The following CCSER1 variants were observed in gnomAD, a reference collection of about 807,000 sequenced individuals.
The protein encoded by CCSER1 is serine-rich coiled-coil domain-containing protein 1.
In CCSER1, 41 loss-of-function variants were observed where a neutral mutation model predicts 82.0. That is an observed-to-expected ratio of 0.50 (90% CI 0.39 to 0.65). CCSER1 has a LOEUF of 0.65. CCSER1 is among the 30% of genes least tolerant of loss of function. The pLI is 0.00. For synonymous variants in CCSER1, 414 were observed against 383.9 expected (o/e 1.08, Z -0.92); for missense variants, 1,119 against 1,064.2 (o/e 1.05, Z -0.72).
In CCSER1 at chr4:90,170,080, C is replaced by T. The variant is rs374593765; in HGVS notation, c.-42+42249C>T. Among the ~76,000 whole-genome samples, 37 of 152,024 alleles carry T rather than the reference C, an allele frequency of 2.4e-4. 1 individual carries two copies. Among genetic ancestry groups the T allele is most frequent in the African/African-American group, 8.4e-4 (35 of 41,522 alleles). The stretch of plus-strand genomic sequence containing the variant: ...CATTTATTGGTTTCTCTAAAAGTTT[C>T]CAAATGTTCTTAAAGTCCCAGCATC... On this transcript the variant is annotated intron_variant, in intron 1 of 10. Transcript: ENST00000509176.
intron 10 of CCSER1, among the ~76,000 whole-genome samples, chr4:91,594,499 C>A (rs1027841382): frequency 1.3e-5 from 2 of 149,172 alleles, no homozygotes; most frequent in South Asian, 2.1e-4. Context: ...ATACCCAAAT[C>A]AGATCTATCT....
intron 6 of CCSER1, among the ~76,000 whole-genome samples, chr4:90,647,640 A>G (rs555750901): frequency 1.7e-4 from 26 of 152,340 alleles, no homozygotes; most frequent in African/African-American, 6.0e-4. Context: ...GACAATTAAA[A>G]AAATAGTAGT....
intron 10 of CCSER1, among the ~76,000 whole-genome samples, chr4:91,546,387 G>A (rs554502280): frequency 6.6e-6 from 1 of 152,054 alleles, no homozygotes; most frequent in African/African-American, 2.4e-5. Context: ...GTTAACCCAT[G>A]TCTTTTTTTG....
chr4:90,196,951 A>G (rs1299176844), intron 1 of CCSER1, among the ~76,000 whole-genome samples: 1 of 151,980 alleles, frequency 6.6e-6, no homozygotes, highest in Non-Finnish European at 1.5e-5. Flanking sequence ...CTGTGACACT[A>G]TGTACCTTGA....
At chr4:91,438,858 A>G (rs1298265330) in intron 10 of CCSER1, among the ~76,000 whole-genome samples, 1 of 152,234 alleles carries the variant, frequency 6.6e-6, no homozygotes, top group African/African-American at 2.4e-5. Flanking sequence ...AGCCAATGCG[A>G]TCAACTGGAA....
chr4:91,398,191 T>C (rs141332187), intron 10 of CCSER1, among the ~76,000 whole-genome samples: 135 of 152,056 alleles, frequency 8.9e-4, no homozygotes, highest in African/African-American at 3.1e-3. Flanking sequence ...ACATTCAATA[T>C]AAGCTGGCTG....
chr4:91,461,439 G>A (rs186102522), intron 10 of CCSER1, among the ~76,000 whole-genome samples: 1 of 152,086 alleles, frequency 6.6e-6, no homozygotes, highest in Non-Finnish European at 1.5e-5. Context: ...TTGCACACAT[G>A]TAGTTTAGTC....
At chr4:90,607,049 C>T (rs1408132070) in intron 5 of CCSER1, among the ~76,000 whole-genome samples, 5 of 152,106 alleles carry the variant, frequency 3.3e-5, no homozygotes, top group African/African-American at 1.2e-4. Flanking sequence ...GAGGAGAACA[C>T]AGTAAGATTA....
rs528727937 is a variant in CCSER1 at position 90,265,225 on chromosome 4, C to G, written c.-41-43019C>G. On this transcript the variant is annotated intron_variant, in intron 1 of 10. Coordinates refer to ENST00000509176, the MANE Select transcript of CCSER1 (RefSeq NM_001145065.2). ...TCCTGAGGCAATATTTTTTATTTTA[C>G]TTTTTCTTTTGAATGGAATTCAGTA... Among the ~76,000 whole-genome samples, 6 of 151,656 alleles carry G rather than the reference C, an allele frequency of 4.0e-5. No individual in the cohort carries two copies. The East Asian group carries it at 9.7e-4, about 25-fold the overall frequency.
intron 5 of CCSER1, among the ~76,000 whole-genome samples, chr4:90,618,522 A>G (rs1451530172): frequency 2.6e-5 from 4 of 151,952 alleles, no homozygotes; most frequent in Admixed American, 6.6e-5. Flanking sequence ...TCTTAAAGCA[A>G]TAATATTAGG....
At chr4:91,504,248 G>T (rs184893262) in intron 10 of CCSER1, among the ~76,000 whole-genome samples, 1 of 151,130 alleles carries the variant, frequency 6.6e-6, no homozygotes, top group African/African-American at 2.5e-5. Context: ...AGAGTCAAAA[G>T]AATTGTTGTA....
chr4:90,475,934 G>A (rs1340620761), intron 5 of CCSER1, among the ~76,000 whole-genome samples: 1 of 152,094 alleles, frequency 6.6e-6, no homozygotes, highest in East Asian at 1.9e-4. Context: ...CTGTACCACT[G>A]AGGAAGTTTA....
chr4:91,409,894 C>G (rs1199467730), intron 10 of CCSER1, among the ~76,000 whole-genome samples: 1 of 152,148 alleles, frequency 6.6e-6, no homozygotes, highest in Non-Finnish European at 1.5e-5. Flanking sequence ...TTTGGCCAGG[C>G]TGGTCTCGAA....
intron 1 of CCSER1, among the ~76,000 whole-genome samples, chr4:90,243,653 G>A (rs752054593): frequency 7.9e-5 from 12 of 152,034 alleles, no homozygotes; most frequent in Non-Finnish European, 1.2e-4. Flanking sequence ...CTCCCAAAGC[G>A]CTGGGGTTAC....
At chr4:90,950,841 G>T (rs1437435877) in intron 9 of CCSER1, among the ~76,000 whole-genome samples, 1 of 151,976 alleles carries the variant, frequency 6.6e-6, no homozygotes, top group African/African-American at 2.4e-5. Flanking sequence ...CTATTCCCGT[G>T]CTCTCTTTTG....
chr4:90,857,426 C>T (rs554356983), intron 8 of CCSER1, among the ~76,000 whole-genome samples: 1 of 152,034 alleles, frequency 6.6e-6, no homozygotes, highest in Non-Finnish European at 1.5e-5. Context: ...GCACATGAGA[C>T]GAGTCCAGAG....
intron 10 of CCSER1, among the ~76,000 whole-genome samples, chr4:91,519,165 G>A (rs1030195245): frequency 6.6e-6 from 1 of 152,208 alleles, no homozygotes; most frequent in African/African-American, 2.4e-5. Flanking sequence ...GCCCAATGAG[G>A]AGATGTAAGG....
At chr4:91,555,766 A>G (rs554334421) in intron 10 of CCSER1, among the ~76,000 whole-genome samples, 2 of 151,188 alleles carry the variant, frequency 1.3e-5, no homozygotes, top group East Asian at 1.9e-4. Context: ...CTTTTTTGCA[A>G]TGTATCTTTC....
At chr4:90,760,566 A>C (rs1425451411) in intron 7 of CCSER1, among the ~76,000 whole-genome samples, 1 of 152,114 alleles carries the variant, frequency 6.6e-6, no homozygotes, top group Non-Finnish European at 1.5e-5. Flanking sequence ...GTTATTAATT[A>C]GTTTATGATA....
Sources: allele counts gnomAD v4.1 joint callset (sites outside exome capture counted in the v4.1 genomes callset), GRCh38; gene constraint gnomAD v4.1.1; transcripts MANE v1.5; gene names NCBI Gene and HGNC (gene_info 2026-07-23, HGNC 2026-07-21).